Variants in MARCHF4 observed in about 807,000 individuals in gnomAD.
The protein encoded by MARCHF4 is E3 ubiquitin-protein ligase MARCHF4.
In MARCHF4, 14 loss-of-function variants were observed where a neutral mutation model predicts 43.9. That is an observed-to-expected ratio of 0.32 (90% confidence interval 0.21 to 0.50). The LOEUF (loss-of-function observed/expected upper bound fraction) is 0.50. Ranked by LOEUF, MARCHF4 falls within the 20% of genes least tolerant of loss-of-function variation. MARCHF4 has a pLI of 0.98. For missense variants in MARCHF4, 468 were observed against 536.7 expected, an observed-to-expected ratio of 0.87 and a Z score of 1.27; for synonymous variants, 226 against 213.3, an observed-to-expected ratio of 1.06 and a Z score of -0.52.
At chr2:216,329,250 G>C (rs1373169277) in intron 1 of MARCHF4, among the ~76,000 whole-genome samples, 1 of 151,976 alleles carries the variant, frequency 6.6e-6, no homozygotes, top group Admixed American at 6.6e-5. Flanking sequence ...GCTTGGTGGC[G>C]GGCACCTGTA....
At chr2:216,296,002 C>T (rs763151036) in intron 1 of MARCHF4, among the ~76,000 whole-genome samples, 9 of 152,062 alleles carry the variant, frequency 5.9e-5, no homozygotes, top group Non-Finnish European at 8.8e-5. Flanking sequence ...AAAAATTAGC[C>T]GGGCATGGTG....
At chr2:216,266,385 T>G (rs1445870775) in intron 3 of MARCHF4, among the ~76,000 whole-genome samples, 1 of 152,130 alleles carries the variant, frequency 6.6e-6, no homozygotes, top group African/African-American at 2.4e-5. Context: ...GTGGGGGAGA[T>G]TACAGGACAC....
chr2:216,368,189 ATTCTTTCTTTTGGAGAGTATGAAGTAC>A (rs944047322), intron 1 of MARCHF4, among the ~76,000 whole-genome samples: 4 of 152,196 alleles, frequency 2.6e-5, no homozygotes, highest in African/African-American at 9.7e-5. Flanking sequence ...AAGCCAAATA[ATTCTTTCTTTTGGAGAGTATGAAGTAC>A]TTGATGGTGG....
intron 3 of MARCHF4, among the ~76,000 whole-genome samples, chr2:216,272,319 T>C (rs994534922): frequency 2.0e-5 from 3 of 152,162 alleles, no homozygotes; most frequent in African/African-American, 7.2e-5. Flanking sequence ...GATGTCAAAA[T>C]AGCACAATCA....
intron 1 of MARCHF4, among the ~76,000 whole-genome samples, chr2:216,340,522 C>T (rs1692220979): frequency 6.6e-6 from 1 of 152,170 alleles, no homozygotes; most frequent in African/African-American, 2.4e-5. Flanking sequence ...GCAATTTCAC[C>T]TAATTCCACC....
At position 216,348,098 on chromosome 2, in the gene MARCHF4, C is replaced by T. The variant is rs185237503; in HGVS notation, c.516+21647G>A. ...TGTTGCCCAGGCTGGAGTGCAATGG[C>T]GTGATCTCAGCTCACTGAAACCTCC... is the stretch of plus-strand genomic sequence containing the variant. On this transcript the variant is annotated intron_variant, in intron 1 of 3. Transcript: ENST00000273067. Among the ~76,000 whole-genome samples the T allele has an allele frequency of 2.7e-3, 378 of 141,450 alleles. 1 individual carries two copies. Among genetic ancestry groups the T allele is most frequent in the African/African-American group, 9.5e-3 (357 of 37,674 alleles). The allele number at this position is 141,450 out of a possible 152,430, so 92.8% of individuals were successfully genotyped here.
Position 216,277,769 on chromosome 2 carries a change from G to A in MARCHF4, c.768C>T (p.Ile256=). The part of the protein sequence containing the change: ...LFLIASISWL[I]WSTFSPSARW... ...TTGCCGAGGGGCTGAAAGTTGACCA[G>A]ATGAGCCAAGAAATACTGGCGATGA... The change falls in exon 3 of 4, where the codon ATC becomes ATT. Residue 256 remains isoleucine, a synonymous_variant. Coordinates refer to ENST00000273067, the MANE Select transcript of MARCHF4 (RefSeq NM_020814.3). The A allele has an allele frequency of 6.2e-7, 1 of 1,614,228 alleles. No individual in the cohort carries two copies. Among genetic ancestry groups the A allele is most frequent in the Non-Finnish European group, 8.5e-7 (1 of 1,180,042 alleles).
chr2:216,315,301 C>A (rs564607519), intron 1 of MARCHF4, among the ~76,000 whole-genome samples: 5 of 152,244 alleles, frequency 3.3e-5, no homozygotes, highest in African/African-American at 1.2e-4. Context: ...TATGGAGAAG[C>A]AAGTATTCTA....
At chr2:216,355,369 T>C (rs1444835875) in intron 1 of MARCHF4, among the ~76,000 whole-genome samples, 1 of 152,176 alleles carries the variant, frequency 6.6e-6, no homozygotes, top group Non-Finnish European at 1.5e-5. Flanking sequence ...AAACCCCCCA[T>C]GTACCCAGCA....
chr2:216,317,430 TA>T (rs748658969), intron 1 of MARCHF4, among the ~76,000 whole-genome samples: 1 of 146,714 alleles, frequency 6.8e-6, no homozygotes, highest in Non-Finnish European at 1.5e-5. Flanking sequence ...TGTTTTTTTT[TA>T]GAAACAGGGT....
chr2:216,311,538 G>A (rs934491830), intron 1 of MARCHF4, among the ~76,000 whole-genome samples: 2 of 152,198 alleles, frequency 1.3e-5, no homozygotes, highest in African/African-American at 2.4e-5. Flanking sequence ...GATTACAGGT[G>A]TGAGCCACTG....
intron 1 of MARCHF4, among the ~76,000 whole-genome samples, chr2:216,304,146 C>A (rs1691542420): frequency 6.6e-6 from 1 of 152,164 alleles, no homozygotes; most frequent in South Asian, 2.1e-4. Flanking sequence ...CTATTGCTCA[C>A]CCCAAATCAT....
At chr2:216,299,518 T>C (rs973202260) in intron 1 of MARCHF4, among the ~76,000 whole-genome samples, 1 of 152,220 alleles carries the variant, frequency 6.6e-6, no homozygotes, top group Non-Finnish European at 1.5e-5. Context: ...AATAAGACTC[T>C]TGTATGACTG....
intron 1 of MARCHF4, among the ~76,000 whole-genome samples, chr2:216,287,800 T>TTA (rs908727618): frequency 6.9e-6 from 1 of 145,596 alleles, no homozygotes; most frequent in Non-Finnish European, 1.5e-5. Context: ...ATAATAAAAT[T>TTA]AAAAAAAAAA....
chr2:216,314,332 T>G (rs1691737683), intron 1 of MARCHF4, among the ~76,000 whole-genome samples: 1 of 151,902 alleles, frequency 6.6e-6, no homozygotes, highest in South Asian at 2.1e-4. Flanking sequence ...ACTACTTTTT[T>G]TTTTTTTTTT....
At chr2:216,335,531 T>C (rs372877825) in intron 1 of MARCHF4, among the ~76,000 whole-genome samples, 5 of 152,268 alleles carry the variant, frequency 3.3e-5, no homozygotes, top group African/African-American at 1.2e-4. Flanking sequence ...ACTAAAGAGA[T>C]CAGAGGAAAC....
At chr2:216,368,518 C>T (rs1215915179) in intron 1 of MARCHF4, among the ~76,000 whole-genome samples, 1 of 152,200 alleles carries the variant, frequency 6.6e-6, no homozygotes, top group Non-Finnish European at 1.5e-5. Flanking sequence ...CACTGGTCCC[C>T]AGAGTTCTTT....
intron 1 of MARCHF4, among the ~76,000 whole-genome samples, chr2:216,346,146 T>G (rs1399828058): frequency 6.6e-6 from 1 of 152,158 alleles, no homozygotes; most frequent in African/African-American, 2.4e-5. Context: ...TGTCCCAATT[T>G]TAGCATTGTA....
intron 1 of MARCHF4, among the ~76,000 whole-genome samples, chr2:216,318,769 A>G (rs1257427172): frequency 6.6e-6 from 1 of 152,172 alleles, no homozygotes; most frequent in Non-Finnish European, 1.5e-5. Context: ...GTTAACACAC[A>G]GAAAGCGCTT....
Sources: gnomAD v4.1 joint callset for allele counts (sites outside exome capture counted in the v4.1 genomes callset) on GRCh38, gnomAD v4.1.1 for gene constraint, MANE v1.5 for transcripts, NCBI Gene and HGNC (gene_info 2026-07-23, HGNC 2026-07-21) for gene names.